DRC1: variants seen among roughly 807,000 people sequenced by gnomAD.
DRC1 encodes the protein dynein regulatory complex subunit 1, also known as dynein regulatory complex protein 1.
Under a neutral mutation model 98.7 loss-of-function variants are expected in DRC1, and 74 were observed. The observed-to-expected ratio is 0.75, with a 90% CI of 0.62 to 0.91. DRC1 has a LOEUF of 0.91. DRC1 is among the 40% of genes least tolerant of loss of function. DRC1 has a pLI of 0.00. For synonymous variants in DRC1, 336 were observed against 334.1 expected (o/e 1.01, Z -0.06); for missense variants, 875 against 886.0 (o/e 0.99, Z 0.16).
intron 16 of DRC1, 68 bp downstream of exon 16, chr2:26,455,301 G>C: frequency 6.7e-7 from 1 of 1,489,046 alleles, no homozygotes. Flanking sequence ...CTGGAGCTGG[G>C]ATTAGGGAAC....
chr2:26,429,656 T>C lies in DRC1; in HGVS notation c.569T>C (p.Val190Ala). Residue 190 changes from valine (V) to alanine (A), a missense_variant, in exon 5 of 17, where the codon GTG becomes GCG. Coordinates refer to ENST00000288710, the MANE Select transcript of DRC1 (RefSeq NM_145038.5). ...QELKTKDDQY[V>A]KDLKKQSDDI... ...TTAAAAACAAAGGATGACCAGTATGTGAAGGATTTGAAGAAACAGTCAGAT... is the reference window on the plus strand; with the variant it reads ...TTAAAAACAAAGGATGACCAGTATGCGAAGGATTTGAAGAAACAGTCAGAT... 6.2e-7 allele frequency: 1 copy of C among 1,614,050 alleles called. No homozygotes were observed. Among genetic ancestry groups the C allele is most frequent in the Non-Finnish European group, 8.5e-7 (1 of 1,179,994 alleles).
chr2:26,449,854 TG>T, intron 11 of DRC1, 141 bp from the exon 12 acceptor site: 2 of 687,206 alleles, frequency 2.9e-6, no homozygotes, highest in Non-Finnish European at 4.8e-6. Flanking sequence ...AAGGCTTTGC[TG>T]GGGCCCACTG....
chr2:26,448,019 G>A (rs999249758), intron 10 of DRC1, among the ~76,000 whole-genome samples: 26 of 151,246 alleles, frequency 1.7e-4, no homozygotes, highest in Admixed American at 1.6e-3. Flanking sequence ...GAGTTCAGGA[G>A]TTCGAGACCA....
At position 26,450,578 on chromosome 2, in the gene DRC1, G is replaced by A. The variant is rs1210743109; in HGVS notation, c.1600-14G>A. The A allele has an allele frequency of 1.9e-6, 3 of 1,607,976 alleles. No homozygotes were observed. Among genetic ancestry groups the A allele is most frequent in the East Asian group, 4.5e-5 (2 of 44,606 alleles). Reference sequence around the variant, plus strand: ...GATGGGGTGTTTGAGCAACCATCCTGTTTTTCGCCCCAGGCCCTTGGAATT... The same window carrying A: ...GATGGGGTGTTTGAGCAACCATCCTATTTTTCGCCCCAGGCCCTTGGAATT... On this transcript the variant is annotated splice_polypyrimidine_tract_variant and intron_variant, in intron 12 of 16. Transcript: ENST00000288710.
At chr2:26,420,501 A>G (rs974542901) in intron 2 of DRC1, among the ~76,000 whole-genome samples, 1 of 152,306 alleles carries the variant, frequency 6.6e-6, no homozygotes, top group South Asian at 2.1e-4. Context: ...TGCTGGGGAC[A>G]AGGCTGAGAT....
At chr2:26,449,847 G>A (rs1663954088) in intron 11 of DRC1, 149 bp from the exon 12 acceptor site, 1 of 660,174 alleles carries the variant, frequency 1.5e-6, no homozygotes, top group Admixed American at 2.8e-5. Context: ...CCCCAAGAAG[G>A]CTTTGCTGGG....
At chr2:26,449,721 A>T (rs1246689984) in intron 11 of DRC1, among the ~76,000 whole-genome samples, 1 of 151,086 alleles carries the variant, frequency 6.6e-6, no homozygotes. Context: ...CTTGTGGGTG[A>T]GGTGGGTTGG....
intron 10 of DRC1, among the ~76,000 whole-genome samples, chr2:26,446,641 C>A (rs570390801): frequency 2.6e-5 from 4 of 152,120 alleles, no homozygotes; most frequent in Non-Finnish European, 5.9e-5. Flanking sequence ...AATAATGAAT[C>A]ACATGCCTTC....
chr2:26,430,981 G>C, intron 6 of DRC1, 109 bp downstream of exon 6: 1 of 690,264 alleles, frequency 1.4e-6, no homozygotes, highest in East Asian at 3.2e-5. Flanking sequence ...TTTTTTTTGA[G>C]ATGGAATCTT....
intron 7 of DRC1, 61 bp from the exon 8 acceptor site, chr2:26,440,317 G>GTT: frequency 3.3e-6 from 4 of 1,194,060 alleles, no homozygotes; most frequent in Admixed American, 3.2e-5. Context: ...GAGTTAGTGT[G>GTT]TTTGTGTGTG....
At chr2:26,415,872 C>G (rs1678782396) in intron 2 of DRC1, among the ~76,000 whole-genome samples, 1 of 144,584 alleles carries the variant, frequency 6.9e-6, no homozygotes, top group Non-Finnish European at 1.5e-5. Context: ...GTGGAGGTTG[C>G]AGTGATCTGA....
At chr2:26,449,627 G>C (rs763233044) in intron 11 of DRC1, among the ~76,000 whole-genome samples, 18 of 152,240 alleles carry the variant, frequency 1.2e-4, no homozygotes, top group Non-Finnish European at 2.2e-4. Context: ...GTAGATATTT[G>C]GGGACAAGAC....
At chr2:26,442,713 C>G (rs1663748592) in intron 8 of DRC1, among the ~76,000 whole-genome samples, 1 of 152,178 alleles carries the variant, frequency 6.6e-6, no homozygotes, top group Non-Finnish European at 1.5e-5. Flanking sequence ...GAGGCCCTGT[C>G]ATTTCCAGGG....
intron 3 of DRC1, among the ~76,000 whole-genome samples, chr2:26,421,847 AC>A (rs1558439953): frequency 6.6e-6 from 1 of 152,148 alleles, no homozygotes; most frequent in Non-Finnish European, 1.5e-5. Context: ...GGCGTGAGCC[AC>A]CGCGCCCGGC....
chr2:26,442,354 C>G (rs1663739729), intron 8 of DRC1, among the ~76,000 whole-genome samples: 1 of 152,210 alleles, frequency 6.6e-6, no homozygotes, highest in Non-Finnish European at 1.5e-5. Context: ...TGATGATGCC[C>G]TTCTAGCCAA....
rs1663448927 is a variant in DRC1, at chr2:26,431,985, C to T, written c.867C>T (p.Ile289=). ...GCGAAGAATACAACATGATCAAGAT[C>T]AAGCTGGAGCAGGATGTGCAGGTGC... The part of the protein sequence containing the change: ...WDCEEYNMIK[I]KLEQDVQILE... Residue 289 remains isoleucine, a synonymous_variant, in exon 7 of 17, where the codon ATC becomes ATT. Transcript: ENST00000288710. 1.9e-6 allele frequency: 3 copies of T among 1,614,112 alleles called. No individual in the cohort carries two copies. The African/African-American group carries it at 4.0e-5, about 22-fold the overall frequency.
At chr2:26,404,807 C>T (rs1678365788) in intron 1 of DRC1, among the ~76,000 whole-genome samples, 1 of 152,190 alleles carries the variant, frequency 6.6e-6, no homozygotes, top group Admixed American at 6.5e-5. Flanking sequence ...TGATTGCTGG[C>T]TGAGTCCACA....
Position 26,450,543 on chromosome 2 carries a change from G to A in DRC1, c.1600-49G>A, listed in dbSNP as rs377227259. 3.3e-5 allele frequency: 52 copies of A among 1,554,340 alleles called. No individual in the cohort carries two copies. In the African/African-American group the frequency reaches 5.6e-4, roughly 17 times the overall value. On this transcript the variant is annotated intron_variant, in intron 12 of 16. Transcript: ENST00000288710. ...GAGCATCTGTCAGCTGCCCAAGCCCGTGGCCTCTTGATGGGGTGTTTGAGC... is the reference window on the plus strand; with the variant it reads ...GAGCATCTGTCAGCTGCCCAAGCCCATGGCCTCTTGATGGGGTGTTTGAGC...
chr2:26,422,549 G>C (rs755472315), intron 3 of DRC1, among the ~76,000 whole-genome samples: 6 of 152,200 alleles, frequency 3.9e-5, no homozygotes, highest in Non-Finnish European at 5.9e-5. Flanking sequence ...TTTGCACACA[G>C]AAGTAGACTG....
Sources: allele counts gnomAD v4.1 joint callset (sites outside exome capture counted in the v4.1 genomes callset), GRCh38; gene constraint gnomAD v4.1.1; transcripts MANE v1.5; gene names NCBI Gene and HGNC (gene_info 2026-07-23, HGNC 2026-07-21).